Variants in FHL1 observed in about 807,000 individuals in gnomAD.
FHL1 encodes the protein four and a half LIM domains 1.
FHL1 carries 1 observed loss-of-function variant against 20.3 expected under a neutral mutation model. The ratio of observed to expected loss-of-function variants is 0.05; its 90% CI spans 0.02 to 0.23. The LOEUF is 0.23. FHL1 is among the 10% of genes least tolerant of loss of function. The pLI, the probability that FHL1 is intolerant of heterozygous loss-of-function variation, is 1.00. For missense variants in FHL1, 177 were observed against 234.0 expected (o/e 0.76, Z 1.59); for synonymous variants, 82 against 88.9 (o/e 0.92, Z 0.44).
Position 136,210,530 on chromosome X carries a change from C to T in FHL1, c.*505C>T. On this transcript the variant is annotated 3_prime_UTR_variant, in exon 6 of 6. Transcript: ENST00000370683. ...TTAACTTCCTCATCAGAACTCTGCC[C>T]TTCCTTCTGTTCTTTTGTGCTTTCA... is the stretch of plus-strand genomic sequence containing the variant. The T allele has an allele frequency of 2.6e-6, 1 of 391,002 alleles. No individual in the cohort carries two copies. The highest frequency in any genetic ancestry group is 5.3e-5 in the East Asian group (1 of 19,018). 32.2% of individuals were successfully genotyped at this position (391,002 alleles called of 1,213,427 possible).
chrX:136,207,729 C>T, intron 3 of FHL1, 63 bp from the exon 4 acceptor site: 1 of 1,167,749 alleles, frequency 8.6e-7, no homozygotes, highest in Non-Finnish European at 1.2e-6. Context: ...GGGAGGGGAG[C>T]TGAGTGGATG....
intron 2 of FHL1, chrX:136,182,852 T>C (rs1466489226): frequency 1.8e-5 from 2 of 111,674 alleles, no homozygotes; most frequent in Admixed American, 9.5e-5. Context: ...ATACCTGCAC[T>C]TTGGGAGGCT....
chrX:136,173,752 G>A (rs754461428), intron 2 of FHL1, among the ~76,000 whole-genome samples: 2 of 104,256 alleles, frequency 1.9e-5, no homozygotes, highest in Non-Finnish European at 3.9e-5. Flanking sequence ...AGGCTGGAGT[G>A]CAGTGGCGTG....
chrX:136,168,095 T>C (rs2072761174), upstream of FHL1: 1 of 112,356 alleles, frequency 8.9e-6, no homozygotes, highest in Admixed American at 9.4e-5. Context: ...GCTAAATGCT[T>C]TACATGGACG....
intron 1 of FHL1, among the ~76,000 whole-genome samples, chrX:136,163,578 TGA>T (rs1343534803): frequency 8.9e-6 from 1 of 111,806 alleles, no homozygotes; most frequent in Non-Finnish European, 1.9e-5. Context: ...AGAAAATGTA[TGA>T]AAGCTCTTTT....
chrX:136,208,959 A>AGG (rs1488927020), intron 5 of FHL1, among the ~76,000 whole-genome samples: 1 of 3,818 alleles, frequency 2.6e-4, no homozygotes, highest in African/African-American at 1.0e-3. Flanking sequence ...GGTAGAAAGA[A>AGG]GGGGGTGGGG....
chrX:136,186,667 A>G (rs747017302), intron 2 of FHL1, among the ~76,000 whole-genome samples: 54 of 110,037 alleles, frequency 4.9e-4, no homozygotes, highest in Non-Finnish European at 8.5e-4. Context: ...AGCCTGGCCA[A>G]CATGGTGAAA....
exon 1 of FHL1, chrX:136,147,571 C>G (rs777858178): frequency 9.1e-6 from 1 of 109,677 alleles, no homozygotes; most frequent in Non-Finnish European, 1.9e-5. Context: ...GCCTCGGCCT[C>G]GGTGCAGGCA....
At chrX:136,182,144 T>A (rs11095661) in intron 2 of FHL1, among the ~76,000 whole-genome samples, 48,974 of 110,911 alleles carry the variant, frequency 0.44, 7,748 homozygotes, top group East Asian at 0.46. Flanking sequence ...TTTGTAACTC[T>A]GACATTGCTG....
chrX:136,201,087 C>A (rs1163887299), intron 1 of FHL1, among the ~76,000 whole-genome samples: 1 of 111,821 alleles, frequency 8.9e-6, no homozygotes, highest in Non-Finnish European at 1.9e-5. Flanking sequence ...TTGCTTGAAC[C>A]TGGGAGGCGG....
intron 1 of FHL1, among the ~76,000 whole-genome samples, chrX:136,202,775 AAG>A (rs768022323): frequency 1.9e-4 from 21 of 112,109 alleles, no homozygotes; most frequent in Non-Finnish European, 3.4e-4. Context: ...GAAAGAAAGA[AAG>A]AGCAAGCTTT....
rs151315725 is a variant in FHL1 at position 136,210,005 on chromosome X, G to A, written c.871G>A (p.Asp291Asn). The A allele has an allele frequency of 0.016, 19,662 of 1,208,769 alleles. 140 individuals carry two copies. The highest frequency in any genetic ancestry group is 0.02 in the Non-Finnish European group (17,942 of 894,954). ...CCACCAGGAGCAAGTGTATTGTCCC[G>A]ACTGTGCCAAAAAGCTGTAAACTGA... ...VFHQEQVYCP[D>N]CAKKL The change falls in exon 6 of 6, where the codon GAC becomes AAC. Residue 291 changes from aspartate (D) to asparagine (N), a missense_variant. Physicochemically the swap from Asp to Asn is conservative, Grantham distance 23. Coordinates refer to ENST00000370683, the MANE Select transcript of FHL1 (RefSeq NM_001159699.2).
At chrX:136,168,628 A>G (rs1232086836), upstream of FHL1, among the ~76,000 whole-genome samples, 2 of 111,400 alleles carry the variant, frequency 1.8e-5, no homozygotes, top group East Asian at 2.8e-4. Context: ...TGGCCTGGCA[A>G]ACAAGAACCC....
At position 136,210,185 on chromosome X, in the gene FHL1, C is replaced by CACAGTG; in HGVS notation, c.*163_*164insGTGACA. ...TTTTACAGTATTACTCAAATAAGGGCACACAGTGATCATATTAGCATTTAG... is the reference window on the plus strand; with the variant it reads ...TTTTACAGTATTACTCAAATAAGGGCACAGTGACACAGTGATCATATTAGCATTTAG... On this transcript the variant is annotated 3_prime_UTR_variant, in exon 6 of 6. Coordinates refer to ENST00000370683, the MANE Select transcript of FHL1 (RefSeq NM_001159699.2). 6.4e-6 allele frequency: 5 copies of CACAGTG among 781,808 alleles called. No individual in the cohort carries two copies. The highest frequency in any genetic ancestry group is 9.6e-6 in the Non-Finnish European group (5 of 520,296). 64.4% of individuals were successfully genotyped at this position (781,808 alleles called of 1,213,427 possible).
chrX:136,151,892 G>C (rs190304307), intron 1 of FHL1, among the ~76,000 whole-genome samples: 371 of 111,773 alleles, frequency 3.3e-3, no homozygotes, highest in African/African-American at 0.011. Flanking sequence ...ATCTTGCCTG[G>C]AGCCTCACAG....
intron 1 of FHL1, among the ~76,000 whole-genome samples, chrX:136,198,151 T>G (rs1267783230): frequency 9.5e-6 from 1 of 105,587 alleles, no homozygotes; most frequent in Non-Finnish European, 1.9e-5. Flanking sequence ...TTGTCTGGTT[T>G]TTTTTTTTTT....
upstream of FHL1, chrX:136,169,521 A>AG (rs58951017): frequency 1.1e-3 from 148 of 135,526 alleles, 1 homozygote; most frequent in Admixed American, 6.3e-3. Flanking sequence ...AGAGAGAGAG[A>AG]AAAAAAAAGG....
At chrX:136,150,534 G>A (rs1050416178) in intron 1 of FHL1, among the ~76,000 whole-genome samples, 1 of 111,946 alleles carries the variant, frequency 8.9e-6, no homozygotes, top group East Asian at 2.8e-4. Context: ...TTTGGATTTG[G>A]GGTAAAAGGG....
chrX:136,199,694 A>G (rs968741102), intron 1 of FHL1, among the ~76,000 whole-genome samples: 1 of 112,514 alleles, frequency 8.9e-6, no homozygotes, highest in African/African-American at 3.2e-5. Context: ...TTAGTGAAGA[A>G]CAGATCTGAA....
Sources: allele counts gnomAD v4.1 joint callset (sites outside exome capture counted in the v4.1 genomes callset), GRCh38; gene constraint gnomAD v4.1.1; transcripts MANE v1.5; gene names NCBI Gene and HGNC (gene_info 2026-07-23, HGNC 2026-07-21).